Variants in CNTNAP2 observed in about 807,000 individuals in gnomAD.
CNTNAP2 encodes the protein contactin associated protein 2.
In CNTNAP2, 98 loss-of-function variants were observed where a neutral mutation model predicts 155.2. That is an observed-to-expected ratio of 0.63 (90% CI 0.54 to 0.75). CNTNAP2 has a LOEUF of 0.75. CNTNAP2 is among the 30% of genes least tolerant of loss of function. The probability of loss-of-function intolerance (pLI) is 0.00; values close to 1 mark genes in which losing one functional copy is unlikely to be tolerated. For synonymous variants in CNTNAP2, 651 were observed against 631.2 expected (o/e 1.03, Z -0.47); for missense variants, 1,727 against 1,688.1 (o/e 1.02, Z -0.40).
chr7:146,609,035 A>G (rs958577094), intron 1 of CNTNAP2, among the ~76,000 whole-genome samples: 1 of 152,146 alleles, frequency 6.6e-6, no homozygotes, highest in Admixed American at 6.5e-5. Flanking sequence ...TCCCAAGACC[A>G]TGCATACTTG....
At chr7:148,049,653 A>G (rs1409675780) in intron 15 of CNTNAP2, among the ~76,000 whole-genome samples, 1 of 152,218 alleles carries the variant, frequency 6.6e-6, no homozygotes, top group African/African-American at 2.4e-5. Context: ...GCTGTTGTTA[A>G]GGTCCTATCA....
intron 1 of CNTNAP2, among the ~76,000 whole-genome samples, chr7:146,686,342 A>G (rs76058057): frequency 3.0e-4 from 46 of 152,232 alleles, no homozygotes; most frequent in Non-Finnish European, 5.7e-4. Flanking sequence ...ATAGAGTAGC[A>G]GTGCGATTGT....
intron 3 of CNTNAP2, among the ~76,000 whole-genome samples, chr7:147,026,734 T>C (rs565215720): frequency 6.6e-6 from 1 of 152,116 alleles, no homozygotes; most frequent in Admixed American, 6.5e-5. Flanking sequence ...ACCACTGTTT[T>C]ATTCTCAAAA....
intron 2 of CNTNAP2, among the ~76,000 whole-genome samples, chr7:146,831,633 G>A (rs191191747): frequency 5.7e-5 from 7 of 121,826 alleles, no homozygotes; most frequent in African/African-American, 1.6e-4. Flanking sequence ...CCAGGATCTC[G>A]CCACTGCACT....
intron 1 of CNTNAP2, among the ~76,000 whole-genome samples, chr7:146,161,021 A>G (rs137933619): frequency 0.048 from 7,370 of 152,306 alleles, 585 homozygotes; most frequent in African/African-American, 0.17. Context: ...AGTTGGCTTC[A>G]TCCCTGGGAT....
rs554194966 is a variant in CNTNAP2 at position 148,365,619 on chromosome 7, C to T, written c.3476-18030C>T. ...GGCAGAGGTTGCAGTGAACCAAGAT[C>T]GCACCATTGTACTCCAGCCTGGGCA... On this transcript the variant is annotated intron_variant, in intron 21 of 23. Coordinates refer to ENST00000361727, the MANE Select transcript of CNTNAP2 (RefSeq NM_014141.6). Among the ~76,000 whole-genome samples, 22 of 152,124 alleles carry T rather than the reference C, an allele frequency of 1.4e-4. No homozygotes were observed. In the East Asian group the frequency reaches 1.5e-3, roughly 11 times the overall value.
chr7:148,171,166 T>C (rs7793197), intron 17 of CNTNAP2, among the ~76,000 whole-genome samples: 36,968 of 152,056 alleles, frequency 0.24, 5,123 homozygotes, highest in East Asian at 0.52. Context: ...AATATCTACT[T>C]TGATAAGTTG....
At chr7:147,963,737 T>C (rs538665323) in intron 14 of CNTNAP2, among the ~76,000 whole-genome samples, 2 of 152,230 alleles carry the variant, frequency 1.3e-5, no homozygotes, top group Admixed American at 1.3e-4. Flanking sequence ...AAGCCAACGA[T>C]GCTGTTTCCT....
intron 15 of CNTNAP2, among the ~76,000 whole-genome samples, chr7:148,002,086 G>A (rs1304648928): frequency 2.0e-5 from 3 of 152,112 alleles, no homozygotes. Context: ...ATGGCTTGAT[G>A]CTGCTATCTT....
chr7:146,458,868 T>C (rs1476430166), intron 1 of CNTNAP2, among the ~76,000 whole-genome samples: 1 of 152,174 alleles, frequency 6.6e-6, no homozygotes, highest in Non-Finnish European at 1.5e-5. Flanking sequence ...ATTTAGGACT[T>C]GCCACCCTCG....
intron 8 of CNTNAP2, among the ~76,000 whole-genome samples, chr7:147,190,012 A>G (rs547417102): frequency 3.1e-4 from 47 of 152,178 alleles, no homozygotes; most frequent in South Asian, 1.0e-3. Context: ...CCAAAGAGCT[A>G]GGATTACAGG....
intron 1 of CNTNAP2, among the ~76,000 whole-genome samples, chr7:146,421,242 G>T (rs1526156): frequency 0.036 from 5,462 of 151,986 alleles, 342 homozygotes; most frequent in African/African-American, 0.12. Flanking sequence ...GTATACCATG[G>T]TATTGACATA....
At chr7:146,568,961 A>T (rs1484272434) in intron 1 of CNTNAP2, among the ~76,000 whole-genome samples, 1 of 149,854 alleles carries the variant, frequency 6.7e-6, no homozygotes, top group Non-Finnish European at 1.5e-5. Context: ...ACAAGTTCCC[A>T]TCTTGTTTTT....
chr7:147,762,764 AAAG>A (rs1393660930), intron 13 of CNTNAP2, among the ~76,000 whole-genome samples: 2 of 148,308 alleles, frequency 1.3e-5, no homozygotes, highest in African/African-American at 5.1e-5. Context: ...GGAAGGAAGA[AAAG>A]GAAGGAAGGA....
At chr7:146,528,290 G>A (rs573971242) in intron 1 of CNTNAP2, among the ~76,000 whole-genome samples, 37 of 152,280 alleles carry the variant, frequency 2.4e-4, no homozygotes, top group Admixed American at 1.7e-3. Flanking sequence ...AGCTCTGGAG[G>A]AAGCCTGTTG....
At chr7:146,974,786 C>A (rs115806475) in intron 3 of CNTNAP2, among the ~76,000 whole-genome samples, 2,569 of 151,658 alleles carry the variant, frequency 0.017, 78 homozygotes, top group African/African-American at 0.059. Context: ...ATAACTTGAA[C>A]TCAGTGGTTT....
intron 1 of CNTNAP2, among the ~76,000 whole-genome samples, chr7:146,641,397 C>T (rs187126063): frequency 6.6e-6 from 1 of 152,032 alleles, no homozygotes; most frequent in East Asian, 1.9e-4. Context: ...AAATCAAATA[C>T]TTGGGCAGGT....
At chr7:148,296,582 T>C (rs1341360456) in intron 21 of CNTNAP2, among the ~76,000 whole-genome samples, 7 of 140,660 alleles carry the variant, frequency 5.0e-5, no homozygotes, top group Non-Finnish European at 9.3e-5. Context: ...TCCCGTGAAA[T>C]TCTGCCAGTT....
At chr7:147,970,090 T>C (rs996154729) in intron 14 of CNTNAP2, among the ~76,000 whole-genome samples, 2 of 151,846 alleles carry the variant, frequency 1.3e-5, no homozygotes. Context: ...CCACCATGCC[T>C]GGCTAATTTT....
Sources: gnomAD v4.1 joint callset for allele counts (sites outside exome capture counted in the v4.1 genomes callset) on GRCh38, gnomAD v4.1.1 for gene constraint, MANE v1.5 for transcripts, NCBI Gene and HGNC (gene_info 2026-07-23, HGNC 2026-07-21) for gene names.